Variants in EXT1 observed in about 807,000 individuals in gnomAD.
EXT1 encodes the protein exostosin glycosyltransferase 1.
A neutral mutation model predicts 82.5 loss-of-function variants in EXT1; 20 were observed. The ratio of observed to expected loss-of-function variants is 0.24; its 90% CI spans 0.17 to 0.35. EXT1 has a LOEUF of 0.35. Ranked by LOEUF, EXT1 falls within the 10% of genes least tolerant of loss-of-function variation. EXT1 has a pLI of 1.00. For missense variants in EXT1, 757 were observed against 936.5 expected, an observed-to-expected ratio of 0.81 and a Z score of 2.50; for synonymous variants, 348 against 350.8, an observed-to-expected ratio of 0.99 and a Z score of 0.09.
chr8:118,063,203 G>A (rs1171592249), intron 1 of EXT1, among the ~76,000 whole-genome samples: 1 of 147,614 alleles, frequency 6.8e-6, no homozygotes, highest in Non-Finnish European at 1.5e-5. Flanking sequence ...GGCAGTTATA[G>A]TAAAAAAAAA....
chr8:118,071,846 T>C (rs1817101072), intron 1 of EXT1, among the ~76,000 whole-genome samples: 1 of 152,198 alleles, frequency 6.6e-6, no homozygotes, highest in African/African-American at 2.4e-5. Context: ...CTCCCACTCT[T>C]TGAGCTCCTA....
rs369738879 is a variant in EXT1 at position 117,958,645 on chromosome 8, G to T, written c.963-121444C>A. 2.6e-5 allele frequency among the ~76,000 whole-genome samples: 4 copies of T among 152,026 alleles called. No homozygotes were observed. In the East Asian group the frequency reaches 5.8e-4, roughly 22 times the overall value. The stretch of plus-strand genomic sequence containing the variant: ...TTAAAGCAATGATAATAGTGAACTA[G>T]AGTCTAAAAATTTAATATCAGAGAA... On this transcript the variant is annotated intron_variant, in intron 1 of 10. Transcript: ENST00000378204.
At chr8:118,045,901 T>C (rs1816615270) in intron 1 of EXT1, among the ~76,000 whole-genome samples, 1 of 151,996 alleles carries the variant, frequency 6.6e-6, no homozygotes, top group Admixed American at 6.6e-5. Flanking sequence ...GTTGAAGCGA[T>C]TCTCATGCCT....
chr8:117,977,152 C>T (rs1815081125), intron 1 of EXT1, among the ~76,000 whole-genome samples: 3 of 151,974 alleles, frequency 2.0e-5, no homozygotes, highest in South Asian at 4.1e-4. Context: ...TTTGGGAGGC[C>T]GAGGTGGGTG....
intron 3 of EXT1, among the ~76,000 whole-genome samples, chr8:117,833,787 G>T (rs1471470074): frequency 1.3e-5 from 2 of 152,036 alleles, no homozygotes; most frequent in Non-Finnish European, 2.9e-5. Flanking sequence ...TTCTTTTAAT[G>T]ATCATGTATT....
At position 117,919,506 on chromosome 8, in the gene EXT1, C is replaced by CTTT. The variant is rs34037715; in HGVS notation, c.963-82308_963-82306dup. Among the ~76,000 whole-genome samples the CTTT allele has an allele frequency of 7.2e-4, 101 of 141,076 alleles. 2 individuals carry two copies. Among genetic ancestry groups the CTTT allele is most frequent in the African/African-American group, 1.5e-3 (56 of 37,610 alleles). The allele number at this position is 141,076 out of a possible 152,430, so 92.6% of individuals were successfully genotyped here. On this transcript the variant is annotated intron_variant, in intron 1 of 10. Transcript: ENST00000378204. ...CGCTTGGCCAACATCTGAGTTAAAA[C>CTTT]TTTTTTTTTTTTTTTTGAGACAAGG...
chr8:118,055,597 C>A (rs1473610822), intron 1 of EXT1, among the ~76,000 whole-genome samples: 3 of 152,118 alleles, frequency 2.0e-5, no homozygotes, highest in African/African-American at 7.2e-5. Flanking sequence ...GAATGCATAC[C>A]AGGGCATGGT....
chr8:118,088,494 A>G (rs1259521026), intron 1 of EXT1, among the ~76,000 whole-genome samples: 6 of 128,160 alleles, frequency 4.7e-5, no homozygotes, highest in African/African-American at 8.7e-5. Flanking sequence ...AGTAATGCTT[A>G]AAAAAAAAAA....
rs1270377825 is a variant in EXT1, at chr8:117,823,959, T to C, written c.1285-1362A>G. Among the ~76,000 whole-genome samples, 4 of 152,226 alleles carry C rather than the reference T, an allele frequency of 2.6e-5. No individual in the cohort carries two copies. The South Asian group carries it at 6.2e-4, about 24-fold the overall frequency. On this transcript the variant is annotated intron_variant, in intron 4 of 10. Coordinates refer to ENST00000378204, the MANE Select transcript of EXT1 (RefSeq NM_000127.3). The stretch of plus-strand genomic sequence containing the variant: ...AATGCTGTTGTCTTGGCATTAATTA[T>C]GAGAAAATTGTCATAGTTGTGAAGG...
chr8:118,043,606 T>C (rs1816573189), intron 1 of EXT1, among the ~76,000 whole-genome samples: 1 of 152,210 alleles, frequency 6.6e-6, no homozygotes, highest in African/African-American at 2.4e-5. Flanking sequence ...CAAAAGATAG[T>C]TGATCACCCA....
At chr8:117,907,046 A>T (rs1382127617) in intron 1 of EXT1, among the ~76,000 whole-genome samples, 2 of 148,906 alleles carry the variant, frequency 1.3e-5, no homozygotes, top group Non-Finnish European at 3.0e-5. Flanking sequence ...GACCATGCAC[A>T]TTCACTTACA....
intron 1 of EXT1, among the ~76,000 whole-genome samples, chr8:118,024,421 T>C (rs1404398551): frequency 2.0e-5 from 3 of 152,094 alleles, no homozygotes; most frequent in African/African-American, 4.8e-5. Flanking sequence ...CATTCATTCA[T>C]CCAGCCAGCC....
At chr8:117,899,750 C>T (rs1813407553) in intron 1 of EXT1, among the ~76,000 whole-genome samples, 1 of 152,162 alleles carries the variant, frequency 6.6e-6, no homozygotes, top group Non-Finnish European at 1.5e-5. Context: ...TAAAATAAAG[C>T]TTATCAGTTG....
chr8:117,885,350 A>T lies in EXT1; in HGVS notation c.963-48149T>A, dbSNP rs17479523. Among the ~76,000 whole-genome samples, 8 of 152,308 alleles carry T rather than the reference A, an allele frequency of 5.3e-5. No individual in the cohort carries two copies. In the East Asian group the frequency reaches 1.5e-3, roughly 29 times the overall value. On this transcript the variant is annotated intron_variant, in intron 1 of 10. Coordinates refer to ENST00000378204, the MANE Select transcript of EXT1 (RefSeq NM_000127.3). ...CTAGAGATTTACATGTAAATTTAAC[A>T]GCAAAATCAAATTGTCATATTAAGC... is the stretch of plus-strand genomic sequence containing the variant.
chr8:118,010,039 A>T lies in EXT1; in HGVS notation c.962+100046T>A, dbSNP rs528890979. 3.9e-5 allele frequency among the ~76,000 whole-genome samples: 6 copies of T among 152,272 alleles called. No individual in the cohort carries two copies. The East Asian group carries it at 1.2e-3, about 29-fold the overall frequency. ...CCCTGAGCTCAGATAAAAAGTAAGA[A>T]TAACCTTTGTCCATCAGTGTCTTCA... On this transcript the variant is annotated intron_variant, in intron 1 of 10. Coordinates refer to ENST00000378204, the MANE Select transcript of EXT1 (RefSeq NM_000127.3).
chr8:118,056,608 G>C (rs956961778), intron 1 of EXT1, among the ~76,000 whole-genome samples: 9 of 152,234 alleles, frequency 5.9e-5, no homozygotes, highest in Admixed American at 1.3e-4. Flanking sequence ...CTGGGTGAAG[G>C]AGAGAAAGGT....
At chr8:117,845,567 AAT>A (rs34117763) in intron 1 of EXT1, among the ~76,000 whole-genome samples, 12,247 of 136,270 alleles carry the variant, frequency 0.09, 622 homozygotes, top group African/African-American at 0.15. Flanking sequence ...AAAAAAAAAA[AAT>A]AAATAAAAGA....
intron 1 of EXT1, among the ~76,000 whole-genome samples, chr8:117,980,698 G>GTTTT (rs1330631748): frequency 4.6e-5 from 2 of 43,830 alleles, no homozygotes; most frequent in Non-Finnish European, 4.3e-5. Flanking sequence ...GGTGTTGGTG[G>GTTTT]TTTTTTTTTT....
At chr8:117,949,518 T>C (rs1027292046) in intron 1 of EXT1, among the ~76,000 whole-genome samples, 12 of 149,044 alleles carry the variant, frequency 8.1e-5, no homozygotes, top group Non-Finnish European at 1.5e-4. Context: ...ATATGATATA[T>C]AAATATAATA....
Sources: allele counts gnomAD v4.1 joint callset (sites outside exome capture counted in the v4.1 genomes callset), GRCh38; gene constraint gnomAD v4.1.1; transcripts MANE v1.5; gene names NCBI Gene and HGNC (gene_info 2026-07-23, HGNC 2026-07-21).